NR1H4: variants seen among roughly 807,000 people sequenced by gnomAD.
NR1H4 encodes nuclear receptor subfamily 1 group H member 4.
Under a neutral mutation model 58.5 loss-of-function variants are expected in NR1H4, and 23 were observed. That is an observed-to-expected ratio of 0.39 (90% CI 0.28 to 0.56). The LOEUF (loss-of-function observed/expected upper bound fraction) is 0.56, where lower values mean the gene tolerates loss of function less well. Ranked by LOEUF, NR1H4 falls within the 20% of genes least tolerant of loss-of-function variation. The pLI is 0.58. For synonymous variants in NR1H4, 214 were observed against 198.0 expected (o/e 1.08, Z -0.68); for missense variants, 487 against 576.9 (o/e 0.84, Z 1.60).
At chr12:100,533,893 T>C (rs1258627882) in intron 5 of NR1H4, among the ~76,000 whole-genome samples, 1 of 151,024 alleles carries the variant, frequency 6.6e-6, no homozygotes, top group Admixed American at 6.6e-5. Context: ...TAGCTCTCTT[T>C]TTTTTTTTTT....
intron 1 of NR1H4, among the ~76,000 whole-genome samples, chr12:100,475,948 G>A (rs2136055530): frequency 6.6e-6 from 1 of 152,202 alleles, no homozygotes; most frequent in South Asian, 2.1e-4. Context: ...TGGCCAGACT[G>A]GTCTCGAACT....
At chr12:100,546,651 T>C (rs11110417) in intron 9 of NR1H4, among the ~76,000 whole-genome samples, 21,210 of 152,012 alleles carry the variant, frequency 0.14, 3,598 homozygotes, top group African/African-American at 0.4. Context: ...GCCAAGATCG[T>C]GCCACTGCAC....
At chr12:100,512,340 A>G (rs1954141125) in intron 4 of NR1H4, among the ~76,000 whole-genome samples, 1 of 151,854 alleles carries the variant, frequency 6.6e-6, no homozygotes, top group Admixed American at 6.6e-5. Flanking sequence ...TAATAAATGA[A>G]ATATAAAAAT....
chr12:100,541,888 C>T (rs1197830892), intron 9 of NR1H4, among the ~76,000 whole-genome samples: 3 of 152,160 alleles, frequency 2.0e-5, no homozygotes, highest in Admixed American at 2.0e-4. Flanking sequence ...TGAGCCACCA[C>T]ACCCAGCCGG....
intron 4 of NR1H4, among the ~76,000 whole-genome samples, chr12:100,513,840 GGAAGGAA>G (rs1282278367): frequency 5.0e-5 from 7 of 140,120 alleles, no homozygotes; most frequent in African/African-American, 1.9e-4. Context: ...AAGGAAGGAA[GGAAGGAA>G]GGAAGGAAGG....
chr12:100,544,959 A>G (rs1475595447), intron 9 of NR1H4, among the ~76,000 whole-genome samples: 2 of 152,158 alleles, frequency 1.3e-5, no homozygotes, highest in Non-Finnish European at 2.9e-5. Flanking sequence ...CTCCTCAAAG[A>G]TGAGTCATTT....
At position 100,536,506 on chromosome 12, in the gene NR1H4, G is replaced by A; in HGVS notation, c.733-6G>A. Reference sequence around the variant, plus strand: ...CCTAACACCTTTTATTTTCTTGCCAGTGTAGGAGAAAACTGAACTCACCCC... The same window carrying A: ...CCTAACACCTTTTATTTTCTTGCCAATGTAGGAGAAAACTGAACTCACCCC... On this transcript the variant is annotated splice_polypyrimidine_tract_variant and splice_region_variant and intron_variant, in intron 6 of 10. Transcript: ENST00000392986. 1 of 1,563,300 alleles carries A rather than the reference G, an allele frequency of 6.4e-7. No homozygotes were observed. Among genetic ancestry groups the A allele is most frequent in the African/African-American group, 1.4e-5 (1 of 73,806 alleles).
At chr12:100,508,421 T>C (rs1383284669) in intron 3 of NR1H4, among the ~76,000 whole-genome samples, 1 of 151,846 alleles carries the variant, frequency 6.6e-6, no homozygotes, top group Non-Finnish European at 1.5e-5. Context: ...CAAACACAAG[T>C]AGGAGGATGC....
chr12:100,510,669 AT>A lies in NR1H4; in HGVS notation c.80-108del, dbSNP rs79532857. On this transcript the variant is annotated intron_variant, in intron 3 of 10. Transcript: ENST00000392986. ...AAGTTGTAAACTTTTATGTAGTTAA[AT>A]GTTTCAATCTTTTCTTAGAGCCCAC... The A allele has an allele frequency of 0.022, 20,472 of 912,988 alleles. 1,884 individuals carry two copies. The East Asian group carries it at 0.25, about 11-fold the overall frequency. 56.6% of individuals were successfully genotyped at this position (912,988 alleles called of 1,614,324 possible).
chr12:100,485,601 C>T (rs1205041343), intron 1 of NR1H4, among the ~76,000 whole-genome samples: 3 of 151,854 alleles, frequency 2.0e-5, no homozygotes, highest in Admixed American at 6.6e-5. Flanking sequence ...GGTGCGATCT[C>T]GGCTCACTGC....
chr12:100,475,430 C>T (rs373202889), intron 1 of NR1H4, among the ~76,000 whole-genome samples: 2 of 152,070 alleles, frequency 1.3e-5, no homozygotes, highest in East Asian at 1.9e-4. Context: ...GTCCTGAGAC[C>T]CTTCCTCAAG....
chr12:100,520,825 G>T (rs932114220), intron 4 of NR1H4, among the ~76,000 whole-genome samples: 2 of 152,184 alleles, frequency 1.3e-5, no homozygotes, highest in African/African-American at 4.8e-5. Flanking sequence ...AAGGAAGTCT[G>T]GGCAAGGTTA....
intron 9 of NR1H4, 97 bp from the exon 10 acceptor site, chr12:100,561,788 T>C: frequency 1.4e-6 from 1 of 695,314 alleles, no homozygotes; most frequent in Non-Finnish European, 2.6e-6. Context: ...TGCATATAGT[T>C]GCAAAATTAC....
At chr12:100,509,543 C>T (rs1954052551) in intron 3 of NR1H4, among the ~76,000 whole-genome samples, 1 of 152,156 alleles carries the variant, frequency 6.6e-6, no homozygotes, top group Non-Finnish European at 1.5e-5. Context: ...ACTTGGCACA[C>T]ATTATCTCAT....
At chr12:100,530,919 C>G (rs969823503) in intron 4 of NR1H4, among the ~76,000 whole-genome samples, 1 of 152,110 alleles carries the variant, frequency 6.6e-6, no homozygotes, top group Non-Finnish European at 1.5e-5. Flanking sequence ...CACTTTCACC[C>G]GAGAAGTTGA....
At chr12:100,540,604 A>G (rs1445120483) in intron 8 of NR1H4, 68 bp from the exon 9 acceptor site, 4 of 1,521,876 alleles carry the variant, frequency 2.6e-6, no homozygotes, top group African/African-American at 1.4e-5. Flanking sequence ...TGTTTTATCA[A>G]TGGCAATGAT....
chr12:100,561,429 AC>A (rs747565457), intron 9 of NR1H4, among the ~76,000 whole-genome samples: 2 of 151,890 alleles, frequency 1.3e-5, no homozygotes, highest in East Asian at 3.9e-4. Context: ...TAAATAAAGA[AC>A]CCTGGCCCAT....
At chr12:100,537,097 GC>G (rs1271368158) in intron 8 of NR1H4, 50 bp downstream of exon 8, 1 of 1,100,386 alleles carries the variant, frequency 9.1e-7, no homozygotes, top group Admixed American at 1.9e-5. Context: ...TTAAATATGT[GC>G]CCACAGATTA....
chr12:100,475,736 T>C (rs1267124217), intron 1 of NR1H4, among the ~76,000 whole-genome samples: 1 of 152,094 alleles, frequency 6.6e-6, no homozygotes, highest in Admixed American at 6.5e-5. Flanking sequence ...TTTCTTTACT[T>C]TTTATTATTA....
Sources: allele counts gnomAD v4.1 joint callset (sites outside exome capture counted in the v4.1 genomes callset), GRCh38; gene constraint gnomAD v4.1.1; transcripts MANE v1.5; gene names NCBI Gene and HGNC (gene_info 2026-07-23, HGNC 2026-07-21).